The following DPP10 variants were observed in gnomAD, a reference collection of about 807,000 sequenced individuals.
DPP10 encodes dipeptidyl peptidase like 10.
Under a neutral mutation model 120.9 loss-of-function variants are expected in DPP10, and 33 were observed. The observed-to-expected ratio is 0.27, with a 90% confidence interval of 0.21 to 0.37. DPP10 has a LOEUF of 0.37. Among genes scored for constraint, DPP10 ranks in the 10% least tolerant of loss-of-function variants. The pLI is 1.00. For synonymous variants in DPP10, 337 were observed against 326.1 expected, an observed-to-expected ratio of 1.03 and a Z score of -0.36; for missense variants, 816 against 942.8, an observed-to-expected ratio of 0.87 and a Z score of 1.76.
chr2:114,648,923 A>G (rs945698649), intron 1 of DPP10, among the ~76,000 whole-genome samples: 20 of 152,218 alleles, frequency 1.3e-4, no homozygotes, highest in Non-Finnish European at 2.4e-4. Context: ...ATTTTCTCCA[A>G]TCCTTTCTGT....
chr2:115,434,463 G>A (rs951369656), intron 3 of DPP10, among the ~76,000 whole-genome samples: 1 of 151,938 alleles, frequency 6.6e-6, no homozygotes, highest in African/African-American at 2.4e-5. Flanking sequence ...GGTAACAGAT[G>A]TAATAATAAA....
At chr2:115,269,014 G>A (rs574494559) in intron 1 of DPP10, among the ~76,000 whole-genome samples, 2 of 152,274 alleles carry the variant, frequency 1.3e-5, no homozygotes, top group East Asian at 3.9e-4. Flanking sequence ...GGGCGTGGTG[G>A]CACGCACCTG....
chr2:114,881,694 G>A (rs1324246352), intron 1 of DPP10, among the ~76,000 whole-genome samples: 1 of 151,894 alleles, frequency 6.6e-6, no homozygotes, highest in African/African-American at 2.4e-5. Context: ...AATAAGACCT[G>A]AGGAATAATT....
At chr2:114,699,719 A>G (rs1700279135) in intron 1 of DPP10, among the ~76,000 whole-genome samples, 1 of 152,122 alleles carries the variant, frequency 6.6e-6, no homozygotes, top group South Asian at 2.1e-4. Flanking sequence ...AGGTTTCCCA[A>G]TACTCTCCAG....
chr2:115,549,229 T>A (rs573302723), intron 5 of DPP10, among the ~76,000 whole-genome samples: 13 of 152,284 alleles, frequency 8.5e-5, no homozygotes, highest in South Asian at 4.1e-4. Context: ...TACCCTGATA[T>A]CAAAGTCTAT....
intron 1 of DPP10, among the ~76,000 whole-genome samples, chr2:114,557,400 T>A (rs559158240): frequency 6.6e-6 from 1 of 152,250 alleles, no homozygotes; most frequent in South Asian, 2.1e-4. Context: ...AATGTAATAG[T>A]TGTGACTCGG....
At chr2:114,847,630 G>C (rs867310161) in intron 1 of DPP10, among the ~76,000 whole-genome samples, 10 of 152,270 alleles carry the variant, frequency 6.6e-5, no homozygotes, top group African/African-American at 2.4e-4. Flanking sequence ...TTACGTGAGT[G>C]TATCTAGAGA....
intron 21 of DPP10, among the ~76,000 whole-genome samples, chr2:115,816,971 A>C (rs114529729): frequency 2.7e-5 from 4 of 145,950 alleles, no homozygotes; most frequent in Non-Finnish European, 6.0e-5. Context: ...TAAAAAGGCC[A>C]GGCGCGGTGG....
intron 5 of DPP10, among the ~76,000 whole-genome samples, chr2:115,596,971 C>G (rs542283808): frequency 6.6e-6 from 1 of 152,282 alleles, no homozygotes; most frequent in South Asian, 2.1e-4. Flanking sequence ...AGATGACTAG[C>G]TTCAGAGTGG....
chr2:115,661,971 C>G (rs1441602534), intron 5 of DPP10, among the ~76,000 whole-genome samples: 1 of 152,016 alleles, frequency 6.6e-6, no homozygotes, highest in Non-Finnish European at 1.5e-5. Flanking sequence ...TAGAACTTAC[C>G]CATCTCACAG....
Position 114,525,877 on chromosome 2 carries a change from G to A in DPP10, c.60+83039G>A, listed in dbSNP as rs528660690. 2.0e-3 allele frequency among the ~76,000 whole-genome samples: 299 copies of A among 152,212 alleles called. 2 individuals are homozygous for A. Among genetic ancestry groups the A allele is most frequent in the African/African-American group, 7.0e-3 (290 of 41,528 alleles). ...TTTAGCATCCTACCTTTACCATGAA[G>A]CATTACTCCACATTGGCTGGCCTGT... On this transcript the variant is annotated intron_variant, in intron 1 of 25. Transcript: ENST00000410059.
intron 1 of DPP10, among the ~76,000 whole-genome samples, chr2:114,920,305 C>G (rs1320600200): frequency 2.6e-5 from 4 of 152,156 alleles, no homozygotes; most frequent in Non-Finnish European, 2.9e-5. Context: ...AACACATGTT[C>G]TAAGGAAGAA....
intron 7 of DPP10, among the ~76,000 whole-genome samples, chr2:115,715,339 C>CAAAAAAAAA (rs546857779): frequency 7.4e-5 from 5 of 67,626 alleles, no homozygotes; most frequent in African/African-American, 2.8e-4. Flanking sequence ...AACTCCGTCT[C>CAAAAAAAAA]AAAAAAAAAA....
intron 7 of DPP10, among the ~76,000 whole-genome samples, chr2:115,723,776 C>T (rs2092704486): frequency 6.6e-6 from 1 of 152,038 alleles, no homozygotes. Context: ...TCACTGCATC[C>T]CTGCCACCAA....
chr2:115,193,227 AC>A (rs1227713685), intron 1 of DPP10, among the ~76,000 whole-genome samples: 1 of 152,186 alleles, frequency 6.6e-6, no homozygotes, highest in African/African-American at 2.4e-5. Context: ...CTTGTTGTAA[AC>A]ATCCCTTTTT....
chr2:115,361,927 C>T (rs1050372023), intron 3 of DPP10, among the ~76,000 whole-genome samples: 2 of 151,846 alleles, frequency 1.3e-5, no homozygotes, highest in African/African-American at 4.8e-5. Context: ...CCCCCAACTC[C>T]AAATTTTCAT....
chr2:114,517,202 A>G (rs1684662281), intron 1 of DPP10, among the ~76,000 whole-genome samples: 1 of 152,144 alleles, frequency 6.6e-6, no homozygotes, highest in South Asian at 2.1e-4. Context: ...TTTCACGGAC[A>G]AGTTCCAGTG....
At chr2:115,175,965 G>A (rs1197720269) in intron 1 of DPP10, among the ~76,000 whole-genome samples, 1 of 152,280 alleles carries the variant, frequency 6.6e-6, no homozygotes, top group East Asian at 1.9e-4. Context: ...GTGAGCTGGG[G>A]TCCAAGATTC....
chr2:114,706,800 T>C (rs998098457), intron 1 of DPP10, among the ~76,000 whole-genome samples: 29 of 152,260 alleles, frequency 1.9e-4, no homozygotes, highest in Admixed American at 1.2e-3. Context: ...GTCCAGGCAG[T>C]GGAGGAGCAG....
Sources: gnomAD v4.1 joint callset for allele counts (sites outside exome capture counted in the v4.1 genomes callset) on GRCh38, gnomAD v4.1.1 for gene constraint, MANE v1.5 for transcripts, NCBI Gene and HGNC (gene_info 2026-07-23, HGNC 2026-07-21) for gene names.